ENAH: variants seen among roughly 807,000 people sequenced by gnomAD.
The protein encoded by ENAH is ENAH actin regulator.
A neutral mutation model predicts 78.7 loss-of-function variants in ENAH; 23 were observed. The ratio of observed to expected loss-of-function variants is 0.29; its 90% CI spans 0.21 to 0.41. The LOEUF (loss-of-function observed/expected upper bound fraction) is 0.41. Ranked by LOEUF, ENAH falls within the 10% of genes least tolerant of loss-of-function variation. The pLI, the probability that ENAH is intolerant of heterozygous loss-of-function variation, is 1.00. For missense variants in ENAH, 544 were observed against 691.0 expected, an observed-to-expected ratio of 0.79 and a Z score of 2.39; for synonymous variants, 226 against 241.0, an observed-to-expected ratio of 0.94 and a Z score of 0.58.
At chr1:225,509,172 G>A (rs991816148) in intron 10 of ENAH, among the ~76,000 whole-genome samples, 1 of 152,100 alleles carries the variant, frequency 6.6e-6, no homozygotes, top group Non-Finnish European at 1.5e-5. Context: ...TCAAATAATC[G>A]GATGGGGTTT....
chr1:225,547,153 C>A (rs2096618774), intron 3 of ENAH, among the ~76,000 whole-genome samples: 1 of 151,684 alleles, frequency 6.6e-6, no homozygotes, highest in Admixed American at 6.6e-5. Context: ...CTCATTGCAA[C>A]CTCCGCCTCC....
chr1:225,644,252 G>T (rs79103792), intron 1 of ENAH, among the ~76,000 whole-genome samples: 4,860 of 151,770 alleles, frequency 0.032, 98 homozygotes, highest in East Asian at 0.072. Flanking sequence ...AAGGAAAAAA[G>T]TAATTTAAAA....
At chr1:225,648,951 A>C (rs888597484) in intron 1 of ENAH, among the ~76,000 whole-genome samples, 3 of 152,136 alleles carry the variant, frequency 2.0e-5, no homozygotes, top group Non-Finnish European at 4.4e-5. Flanking sequence ...TAAAATAATA[A>C]AAATGTGGTC....
intron 1 of ENAH, among the ~76,000 whole-genome samples, chr1:225,615,571 C>CG: frequency 6.6e-6 from 1 of 151,728 alleles, no homozygotes; most frequent in Non-Finnish European, 1.5e-5. Context: ...CGCCTCTTCC[C>CG]GGCTGCCAGC....
intron 1 of ENAH, among the ~76,000 whole-genome samples, chr1:225,615,095 G>A (rs542371467): frequency 4.0e-5 from 6 of 151,860 alleles, no homozygotes; most frequent in African/African-American, 9.7e-5. Flanking sequence ...GATGCCGAGC[G>A]GAGGCTGGAC....
intron 4 of ENAH, among the ~76,000 whole-genome samples, chr1:225,525,124 T>C (rs983567965): frequency 6.6e-6 from 1 of 152,018 alleles, no homozygotes; most frequent in Non-Finnish European, 1.5e-5. Flanking sequence ...ACTTATCACA[T>C]GTTTCTAAAT....
In ENAH at chr1:225,620,986, C is replaced by T. The variant is rs540765804; in HGVS notation, c.5+31700G>A. Among the ~76,000 whole-genome samples the T allele has an allele frequency of 1.5e-4, 23 of 151,906 alleles. 1 individual carries two copies. The highest frequency in any genetic ancestry group is 5.6e-4 in the African/African-American group (23 of 41,422). ...CACCACTGCACTCCAGCCTGGGTAA[C>T]AGAGCTAGACTCCATCAAAAAAAAA... On this transcript the variant is annotated intron_variant, in intron 1 of 13. Transcript: ENST00000366843.
chr1:225,579,579 T>C (rs755108320), intron 1 of ENAH, among the ~76,000 whole-genome samples: 6 of 152,180 alleles, frequency 3.9e-5, no homozygotes, highest in Non-Finnish European at 7.3e-5. Context: ...CATCAAACTA[T>C]AGATACAGAT....
At chr1:225,611,564 C>T (rs534731842) in intron 1 of ENAH, among the ~76,000 whole-genome samples, 4 of 152,226 alleles carry the variant, frequency 2.6e-5, no homozygotes, top group African/African-American at 9.6e-5. Flanking sequence ...GGTGATCCAC[C>T]TGCCTCGAGC....
intron 1 of ENAH, among the ~76,000 whole-genome samples, chr1:225,645,374 C>G (rs949676954): frequency 6.6e-6 from 1 of 152,152 alleles, no homozygotes; most frequent in Non-Finnish European, 1.5e-5. Flanking sequence ...AATTCCATTC[C>G]TTTTGATGGC....
chr1:225,538,693 A>G (rs773952736), intron 3 of ENAH, among the ~76,000 whole-genome samples: 1 of 152,146 alleles, frequency 6.6e-6, no homozygotes, highest in Non-Finnish European at 1.5e-5. Context: ...CCAATATGAA[A>G]ATCACTTCTA....
At chr1:225,616,880 A>T (rs1044754091) in intron 1 of ENAH, among the ~76,000 whole-genome samples, 1 of 152,146 alleles carries the variant, frequency 6.6e-6, no homozygotes, top group African/African-American at 2.4e-5. Context: ...CGGGCAGATC[A>T]CCTGAGGTCA....
At position 225,582,698 on chromosome 1, in the gene ENAH, G is replaced by A. The variant is rs758104477; in HGVS notation, c.6-15284C>T. 2.6e-5 allele frequency among the ~76,000 whole-genome samples: 4 copies of A among 152,142 alleles called. No homozygotes were observed. In the East Asian group the frequency reaches 5.8e-4, roughly 22 times the overall value. On this transcript the variant is annotated intron_variant, in intron 1 of 13. Coordinates refer to ENST00000366843, the MANE Select transcript of ENAH (RefSeq NM_018212.6). ...TGATCCCTGATCTACTCATGTGTAG[G>A]GCAGTTTCCAAGTAACTAAAAGAGC...
intron 1 of ENAH, among the ~76,000 whole-genome samples, chr1:225,608,283 C>A (rs2096967932): frequency 6.7e-6 from 1 of 148,856 alleles, no homozygotes; most frequent in African/African-American, 2.5e-5. Flanking sequence ...TTCAGAAGAC[C>A]CAAAAACCCC....
At chr1:225,590,364 T>G (rs2096869742) in intron 1 of ENAH, among the ~76,000 whole-genome samples, 1 of 151,670 alleles carries the variant, frequency 6.6e-6, no homozygotes, top group African/African-American at 2.4e-5. Flanking sequence ...CTCAGGAGGC[T>G]GAGGCTCAAA....
intron 3 of ENAH, among the ~76,000 whole-genome samples, chr1:225,532,972 G>A (rs969667750): frequency 6.6e-6 from 1 of 151,906 alleles, no homozygotes; most frequent in Non-Finnish European, 1.5e-5. Context: ...TGGGCTTTTT[G>A]TCTTTCCAGA....
intron 11 of ENAH, chr1:225,504,885 A>G (rs1438608789): frequency 1.4e-5 from 10 of 696,930 alleles, no homozygotes; most frequent in Non-Finnish European, 2.0e-5. Flanking sequence ...ATAAAGAAAA[A>G]AAAATCTCCC....
At chr1:225,509,968 G>A (rs1055398379) in intron 10 of ENAH, among the ~76,000 whole-genome samples, 3 of 152,144 alleles carry the variant, frequency 2.0e-5, no homozygotes, top group South Asian at 2.1e-4. Context: ...GTTGACTCAG[G>A]TGACTCGTAT....
At position 225,514,665 on chromosome 1, in the gene ENAH, T is replaced by G; in HGVS notation, c.1149A>C (p.Ser383=). The G allele has an allele frequency of 6.2e-7, 1 of 1,609,604 alleles. No individual in the cohort carries two copies. Among genetic ancestry groups the G allele is most frequent in the South Asian group, 1.1e-5 (1 of 90,912 alleles). Residue 383 remains serine (S), a synonymous_variant, in exon 7 of 14, where the codon TCA becomes TCC. Coordinates refer to ENST00000366843, the MANE Select transcript of ENAH (RefSeq NM_018212.6). ...PASGFFLASM[S]EDNRPLTGLA... is the part of the protein sequence containing the mutation. Reference sequence around the variant, plus strand: ...GTCCAGTTAAAGGGCGATTGTCTTCTGACATGGATGCCAAAAAGAATCCAG... The same window carrying G: ...GTCCAGTTAAAGGGCGATTGTCTTCGGACATGGATGCCAAAAAGAATCCAG...
Sources: allele counts gnomAD v4.1 joint callset (sites outside exome capture counted in the v4.1 genomes callset), GRCh38; gene constraint gnomAD v4.1.1; transcripts MANE v1.5; gene names NCBI Gene and HGNC (gene_info 2026-07-23, HGNC 2026-07-21).